The following ERC1 variants were observed in gnomAD, a reference collection of about 807,000 sequenced individuals.
ERC1 encodes RAB6 interacting protein 2.
In ERC1, 56 loss-of-function variants were observed where a neutral mutation model predicts 132.0. The ratio of observed to expected loss-of-function variants is 0.42; its 90% CI spans 0.34 to 0.53. The LOEUF is 0.53. Ranked by LOEUF, ERC1 falls within the 20% of genes least tolerant of loss-of-function variation. The probability of loss-of-function intolerance (pLI) is 0.03; values close to 1 mark genes in which losing one functional copy is unlikely to be tolerated. For synonymous variants in ERC1, 478 were observed against 476.1 expected (o/e 1.00, Z -0.05); for missense variants, 1,202 against 1,349.9 (o/e 0.89, Z 1.72).
At chr12:1,471,595 A>C (rs2093862921) in intron 18 of ERC1, among the ~76,000 whole-genome samples, 1 of 152,246 alleles carries the variant, frequency 6.6e-6, no homozygotes, top group Non-Finnish European at 1.5e-5. Context: ...ATTTGGAGTG[A>C]CAGGTGTTAG....
rs1466496950 is a variant in ERC1 at position 1,494,156 on chromosome 12, G to C, written c.*3926G>C. The C allele has an allele frequency of 8.6e-6, 2 of 231,944 alleles. No homozygotes were observed. The highest frequency in any genetic ancestry group is 5.6e-5 in the Admixed American group (1 of 17,730). The allele number at this position is 231,944 out of a possible 1,614,324, so 14.4% of individuals were successfully genotyped here. A position where few individuals can be genotyped will look rare whatever the true frequency, so the allele number is the denominator to read the frequency against. On this transcript the variant is annotated 3_prime_UTR_variant, in exon 19 of 19. Coordinates refer to ENST00000360905, the MANE Select transcript of ERC1 (RefSeq NM_178040.4). ...CTCAAGCCCAGCGGACCCTGTGTCA[G>C]CAAATACCAGTAATTTAACATCTGC...
chr12:1,479,877 C>T (rs1242614949), intron 18 of ERC1, among the ~76,000 whole-genome samples: 2 of 152,122 alleles, frequency 1.3e-5, no homozygotes, highest in Admixed American at 6.5e-5. Flanking sequence ...ACGGAGCTGT[C>T]GTGAGCCGTG....
intron 7 of ERC1, among the ~76,000 whole-genome samples, chr12:1,132,890 T>A (rs577568171): frequency 1.3e-5 from 2 of 151,934 alleles, no homozygotes; most frequent in East Asian, 3.9e-4. Context: ...AGTTTCGCTC[T>A]TGTCACCCAG....
chr12:1,345,473 A>G (rs1211312090), intron 15 of ERC1, among the ~76,000 whole-genome samples: 1 of 152,056 alleles, frequency 6.6e-6, no homozygotes, highest in Non-Finnish European at 1.5e-5. Context: ...GTGAGCCACC[A>G]CGCCTGGCCA....
At chr12:1,304,385 T>G (rs1184857657) in intron 15 of ERC1, among the ~76,000 whole-genome samples, 2 of 152,210 alleles carry the variant, frequency 1.3e-5, no homozygotes, top group African/African-American at 4.8e-5. Context: ...AGTAGACTTT[T>G]ACTCACATCT....
intron 8 of ERC1, among the ~76,000 whole-genome samples, chr12:1,144,658 A>ATACGTG (rs1950185615): frequency 6.6e-6 from 1 of 150,708 alleles, no homozygotes; most frequent in African/African-American, 2.4e-5. Context: ...ACGTATATAT[A>ATACGTG]TATATACACA....
rs558535551 is a variant in ERC1, at chr12:996,308, T to C, written c.-157+4986T>C. 2.7e-5 allele frequency among the ~76,000 whole-genome samples: 4 copies of C among 148,846 alleles called. No homozygotes were observed. The South Asian group carries it at 8.7e-4, about 32-fold the overall frequency. On this transcript the variant is annotated intron_variant, in intron 1 of 18. Transcript: ENST00000360905. ...TAGTAGAGACAGTGTTTCACTGTGT[T>C]AGCCAGGATGGTCTTGATCTCCTGA...
chr12:1,193,732 G>T (rs1486419045), intron 12 of ERC1, among the ~76,000 whole-genome samples: 1 of 152,086 alleles, frequency 6.6e-6, no homozygotes, highest in African/African-American at 2.4e-5. Flanking sequence ...TTTCTCTCCT[G>T]GGAAACCTCA....
chr12:1,346,419 T>G (rs1017457906), intron 15 of ERC1, among the ~76,000 whole-genome samples: 5 of 152,242 alleles, frequency 3.3e-5, no homozygotes, highest in Non-Finnish European at 5.9e-5. Context: ...CTCACAGTTT[T>G]ATCACCTCAC....
chr12:1,467,823 T>C (rs760525662), intron 18 of ERC1, among the ~76,000 whole-genome samples: 8 of 152,216 alleles, frequency 5.3e-5, no homozygotes, highest in Non-Finnish European at 1.0e-4. Context: ...CATTAGATTC[T>C]CATAAGGAGC....
intron 18 of ERC1, among the ~76,000 whole-genome samples, chr12:1,469,319 G>A (rs902738948): frequency 2.6e-5 from 4 of 152,230 alleles, no homozygotes; most frequent in African/African-American, 4.8e-5. Context: ...TGCAACATGG[G>A]AGTAGCTGGG....
Position 1,467,922 on chromosome 12 carries a change from G to A in ERC1, c.3214-22171G>A, listed in dbSNP as rs1042785992. On this transcript the variant is annotated intron_variant, in intron 18 of 18. Coordinates refer to ENST00000360905, the MANE Select transcript of ERC1 (RefSeq NM_178040.4). ...TGCCTCAGCTGATCTGACAAGAGAC[G>A]GAACTCAGGCAGTAATGCACGCAAT... Among the ~76,000 whole-genome samples the A allele has an allele frequency of 2.6e-5, 4 of 152,290 alleles. No homozygotes were observed. In the South Asian group the frequency reaches 6.2e-4, roughly 24 times the overall value.
At chr12:1,016,063 G>C (rs1372521076) in intron 1 of ERC1, among the ~76,000 whole-genome samples, 1 of 149,742 alleles carries the variant, frequency 6.7e-6, no homozygotes, top group Non-Finnish European at 1.5e-5. Context: ...AATAGCTAAT[G>C]GGTGGTATAT....
At chr12:1,464,337 T>A (rs1407342479) in intron 18 of ERC1, among the ~76,000 whole-genome samples, 3 of 152,102 alleles carry the variant, frequency 2.0e-5, no homozygotes, top group East Asian at 1.9e-4. Context: ...AGTTCTGGTG[T>A]TCGTGGCTCG....
intron 16 of ERC1, among the ~76,000 whole-genome samples, chr12:1,389,564 A>G (rs146275690): frequency 6.6e-6 from 1 of 152,332 alleles, no homozygotes; most frequent in East Asian, 1.9e-4. Flanking sequence ...ATGCAGTTCT[A>G]GGGTTTTTAA....
chr12:1,012,618 C>T (rs917690422), intron 1 of ERC1, among the ~76,000 whole-genome samples: 1 of 151,278 alleles, frequency 6.6e-6, no homozygotes, highest in Non-Finnish European at 1.5e-5. Flanking sequence ...GACTACAGGC[C>T]CAGCTAATTG....
chr12:1,318,929 A>C (rs537910647), intron 15 of ERC1, among the ~76,000 whole-genome samples: 11 of 152,226 alleles, frequency 7.2e-5, no homozygotes, highest in East Asian at 5.8e-4. Flanking sequence ...AGTCTCTCCA[A>C]GTTAACTGCC....
chr12:1,243,581 G>A (rs893302196), intron 13 of ERC1, among the ~76,000 whole-genome samples: 1 of 152,192 alleles, frequency 6.6e-6, no homozygotes. Flanking sequence ...AATTTTTCCG[G>A]TAGGATTTTG....
intron 7 of ERC1, among the ~76,000 whole-genome samples, chr12:1,138,077 TTA>T (rs1240638647): frequency 3.2e-5 from 4 of 125,412 alleles, no homozygotes; most frequent in Non-Finnish European, 6.3e-5. Flanking sequence ...TTGTTTTATA[TTA>T]TATATAATAT....
Sources: gnomAD v4.1 joint callset for allele counts (sites outside exome capture counted in the v4.1 genomes callset) on GRCh38, gnomAD v4.1.1 for gene constraint, MANE v1.5 for transcripts, NCBI Gene and HGNC (gene_info 2026-07-23, HGNC 2026-07-21) for gene names.